Variants in ATG7 observed in about 807,000 individuals in gnomAD.
ATG7 encodes the protein ubiquitin-like modifier-activating enzyme ATG7.
A neutral mutation model predicts 82.4 loss-of-function variants in ATG7; 70 were observed. The observed-to-expected ratio is 0.85, with a 90% CI of 0.70 to 1.04. The LOEUF (loss-of-function observed/expected upper bound fraction) is 1.04, where lower values mean the gene tolerates loss of function less well. Ranked by LOEUF, ATG7 falls within the 50% of genes least tolerant of loss-of-function variation. The probability of loss-of-function intolerance (pLI) is 0.00; values close to 1 mark genes in which losing one functional copy is unlikely to be tolerated. For missense variants in ATG7, 792 were observed against 864.3 expected, an observed-to-expected ratio of 0.92 and a Z score of 1.05; for synonymous variants, 287 against 313.0, an observed-to-expected ratio of 0.92 and a Z score of 0.88.
the ATG7 span, among the ~76,000 whole-genome samples, chr3:11,566,707 C>T: frequency 6.6e-6 from 1 of 152,192 alleles, no homozygotes; most frequent in Admixed American, 6.5e-5. Flanking sequence ...CGCTGCCAAC[C>T]ACAGCTGCAG....
At chr3:11,427,482 C>G (rs1322733146) in intron 20 of ATG7, among the ~76,000 whole-genome samples, 1 of 127,054 alleles carries the variant, frequency 7.9e-6, no homozygotes, top group Non-Finnish European at 1.6e-5. Flanking sequence ...TTTCCTGGGT[C>G]ATTGCATCAT....
intron 14 of ATG7, 132 bp downstream of exon 14, chr3:11,348,167 G>A: frequency 1.6e-6 from 2 of 1,271,970 alleles, no homozygotes; most frequent in Non-Finnish European, 2.2e-6. Context: ...CTATGTGGCT[G>A]AACCTCTGTT....
intron 9 of ATG7, among the ~76,000 whole-genome samples, chr3:11,318,202 A>G (rs148619019): frequency 6.6e-6 from 1 of 152,084 alleles, no homozygotes; most frequent in African/African-American, 2.4e-5. Context: ...ATTCAGGCAC[A>G]CTATCCTTCA....
intron 19 of ATG7, among the ~76,000 whole-genome samples, chr3:11,388,895 A>G (rs999896219): frequency 2.6e-5 from 4 of 152,146 alleles, no homozygotes; most frequent in East Asian, 3.9e-4. Flanking sequence ...ATGGACATAT[A>G]TGGTCTTACA....
intron 9 of ATG7, among the ~76,000 whole-genome samples, chr3:11,322,732 T>A (rs1950371174): frequency 6.6e-6 from 1 of 152,234 alleles, no homozygotes; most frequent in Non-Finnish European, 1.5e-5. Context: ...ATTTTTCCTC[T>A]TTTTCCTCTC....
downstream of ATG7, chr3:11,558,498 CTG>C (rs1365818515): frequency 5.5e-6 from 6 of 1,091,484 alleles, no homozygotes; most frequent in African/African-American, 1.7e-5. Context: ...TAAGTACTGA[CTG>C]TTCAAAGCTC....
At chr3:11,456,569 A>G (rs1001570461) in intron 20 of ATG7, among the ~76,000 whole-genome samples, 1 of 152,088 alleles carries the variant, frequency 6.6e-6, no homozygotes, top group Non-Finnish European at 1.5e-5. Context: ...ATATATTCTG[A>G]TACTTAAACC....
chr3:11,338,792 A>G (rs911709834), intron 11 of ATG7, among the ~76,000 whole-genome samples: 4 of 152,234 alleles, frequency 2.6e-5, no homozygotes, highest in African/African-American at 7.2e-5. Flanking sequence ...CTGGGGCCCA[A>G]CTAGCTTTCA....
At chr3:11,505,344 T>C (rs1026927138) in intron 20 of ATG7, among the ~76,000 whole-genome samples, 2 of 152,146 alleles carry the variant, frequency 1.3e-5, no homozygotes, top group African/African-American at 4.8e-5. Context: ...CTAAGGAAGC[T>C]TGGGATGTAG....
In ATG7 at chr3:11,372,851, C is replaced by T. The variant is rs74279976; in HGVS notation, c.1876-7121C>T. On this transcript the variant is annotated intron_variant, in intron 18 of 20. Transcript: ENST00000693202. ...GCGTGTGTGTGCGTGCGTGCGTGTG[C>T]GTGTGTGTGTGTGAAATCGGCCATG... 3.8e-3 allele frequency among the ~76,000 whole-genome samples: 315 copies of T among 83,342 alleles called. 12 individuals carry two copies. The highest frequency in any genetic ancestry group is 7.2e-3 in the East Asian group (24 of 3,354). 54.7% of individuals were successfully genotyped at this position (83,342 alleles called of 152,430 possible). A position where few individuals can be genotyped will look rare whatever the true frequency, so the allele number is the denominator to read the frequency against.
At chr3:11,574,244 ATAT>A in the ATG7 span, among the ~76,000 whole-genome samples, 5 of 152,112 alleles carry the variant, frequency 3.3e-5, no homozygotes, top group Non-Finnish European at 5.9e-5. Flanking sequence ...ACGGCTTTAG[ATAT>A]TTGCCACACC....
At chr3:11,347,469 A>G (rs549416226) in intron 13 of ATG7, among the ~76,000 whole-genome samples, 2 of 152,350 alleles carry the variant, frequency 1.3e-5, no homozygotes, top group South Asian at 4.1e-4. Flanking sequence ...CAGGCTTTAA[A>G]TGAGCTTCAA....
chr3:11,405,221 A>C (rs1165650834), intron 19 of ATG7, among the ~76,000 whole-genome samples: 2 of 152,166 alleles, frequency 1.3e-5, no homozygotes, highest in Non-Finnish European at 2.9e-5. Flanking sequence ...GACACCATAC[A>C]GGTGACATTT....
intron 1 of ATG7, among the ~76,000 whole-genome samples, chr3:11,277,818 CAGG>C (rs1942139809): frequency 6.8e-6 from 1 of 146,384 alleles, no homozygotes; most frequent in East Asian, 2.0e-4. Flanking sequence ...GAGGGTACTG[CAGG>C]AGAACAGGGC....
At chr3:11,486,092 G>A (rs1207611253) in intron 20 of ATG7, among the ~76,000 whole-genome samples, 1 of 152,180 alleles carries the variant, frequency 6.6e-6, no homozygotes, top group African/African-American at 2.4e-5. Flanking sequence ...GTCCTTGGTA[G>A]CTTGATGGGG....
At chr3:11,337,436 C>T (rs1351916029) in intron 11 of ATG7, among the ~76,000 whole-genome samples, 1 of 151,914 alleles carries the variant, frequency 6.6e-6, no homozygotes, top group Non-Finnish European at 1.5e-5. Flanking sequence ...CCTGGCGAGA[C>T]AGCAAGACTC....
Position 11,378,213 on chromosome 3 carries a change from T to G in ATG7, c.1876-1759T>G, listed in dbSNP as rs149024926. Reference sequence around the variant, plus strand: ...GTATTTTTAGCAGAGGTGGGGGTTTTGCCATGTTGTCCAGGCTGGTCTCAA... The same window carrying G: ...GTATTTTTAGCAGAGGTGGGGGTTTGGCCATGTTGTCCAGGCTGGTCTCAA... On this transcript the variant is annotated intron_variant, in intron 18 of 20. Coordinates refer to ENST00000693202, the MANE Select transcript of ATG7 (RefSeq NM_001349232.2). Among the ~76,000 whole-genome samples the G allele has an allele frequency of 3.0e-3, 448 of 150,286 alleles. 4 individuals are homozygous for G. Among genetic ancestry groups the G allele is most frequent in the African/African-American group, 0.01 (425 of 40,980 alleles).
chr3:11,379,949 T>A (rs1407611485), intron 18 of ATG7, 23 bp from the exon 19 acceptor site: 3 of 1,608,644 alleles, frequency 1.9e-6, no homozygotes, highest in Non-Finnish European at 1.7e-6. Context: ...TGATGTGAAT[T>A]GTTTTGTTTT....
At chr3:11,469,015 A>T (rs2087126540) in intron 20 of ATG7, among the ~76,000 whole-genome samples, 1 of 152,220 alleles carries the variant, frequency 6.6e-6, no homozygotes, top group Non-Finnish European at 1.5e-5. Flanking sequence ...TGGCTCTCTC[A>T]TCTCTTCTTG....
Sources: allele counts gnomAD v4.1 joint callset (sites outside exome capture counted in the v4.1 genomes callset), GRCh38; gene constraint gnomAD v4.1.1; transcripts MANE v1.5; gene names NCBI Gene and HGNC (gene_info 2026-07-23, HGNC 2026-07-21).